Variants in PRKCH observed in about 807,000 individuals in gnomAD.
The protein encoded by PRKCH is protein kinase C eta type.
Under a neutral mutation model 82.5 loss-of-function variants are expected in PRKCH, and 28 were observed. The observed-to-expected ratio is 0.34, with a 90% confidence interval of 0.25 to 0.47. The LOEUF is 0.47. Among genes scored for constraint, PRKCH ranks in the 20% least tolerant of loss-of-function variants. The probability of loss-of-function intolerance (pLI) is 1.00; values close to 1 mark genes in which losing one functional copy is unlikely to be tolerated. For synonymous variants in PRKCH, 322 were observed against 327.4 expected (o/e 0.98, Z 0.18); for missense variants, 705 against 881.8 (o/e 0.80, Z 2.54).
intron 1 of PRKCH, among the ~76,000 whole-genome samples, chr14:61,198,612 A>G (rs989486351): frequency 7.9e-5 from 12 of 152,228 alleles, no homozygotes; most frequent in Non-Finnish European, 1.3e-4. Context: ...CTATGTCTCT[A>G]TATTCCCAGT....
intron 1 of PRKCH, among the ~76,000 whole-genome samples, chr14:61,349,895 A>G (rs1183681846): frequency 6.6e-6 from 1 of 152,106 alleles, no homozygotes; most frequent in Admixed American, 6.6e-5. Context: ...TGGTATGTCC[A>G]AGTCTGTGTT....
chr14:61,324,610 T>G (rs2045671352), intron 1 of PRKCH, among the ~76,000 whole-genome samples: 1 of 152,102 alleles, frequency 6.6e-6, no homozygotes, highest in South Asian at 2.1e-4. Context: ...AAAGTATCCT[T>G]TATAGGTTCA....
chr14:61,322,335 C>A lies in PRKCH; in HGVS notation c.234C>A (p.Asp78Glu). 6.2e-7 allele frequency: 1 copy of A among 1,613,398 alleles called. No homozygotes were observed. The highest frequency in any genetic ancestry group is 8.5e-7 in the Non-Finnish European group (1 of 1,179,930). The change falls in exon 1 of 14, where the codon GAC (aspartate) becomes GAA (glutamate). Residue 78 changes from aspartate to glutamate, a missense_variant. Around this residue, in one of 5 missense-constraint regions of PRKCH, gnomAD observed 246 missense variants for 308.0 expected, o/e 0.80. Transcript: ENST00000332981. ...AGGAGTTTTGCGCTAACGTCACCGA[C>A]GGCGGCCACCTCGAGTTGGCCGTCT... ...YNEEFCANVTDGGHLELAVFH... is the reference protein window; with the variant it reads ...YNEEFCANVTEGGHLELAVFH...
intron 2 of PRKCH, among the ~76,000 whole-genome samples, chr14:61,417,222 G>A (rs1048583004): frequency 4.6e-4 from 70 of 152,146 alleles, no homozygotes; most frequent in African/African-American, 1.6e-3. Flanking sequence ...AAGGATAGAC[G>A]TCTTTGAAAG....
At chr14:61,433,081 G>A (rs1173136283) in intron 2 of PRKCH, among the ~76,000 whole-genome samples, 2 of 138,654 alleles carry the variant, frequency 1.4e-5, no homozygotes, top group African/African-American at 5.8e-5. Flanking sequence ...AATGGTGGCC[G>A]AGGTTCAAAG....
Position 61,400,044 on chromosome 14 carries a change from G to C in PRKCH, c.427+8756G>C, listed in dbSNP as rs557812504. Reference sequence around the variant, plus strand: ...GCATCTGCTTTTTCTCTCTACTAAGGCAGTGCACAATGGTGCAGAATAAGA... The same window carrying C: ...GCATCTGCTTTTTCTCTCTACTAAGCCAGTGCACAATGGTGCAGAATAAGA... On this transcript the variant is annotated intron_variant, in intron 2 of 13. Coordinates refer to ENST00000332981, the MANE Select transcript of PRKCH (RefSeq NM_006255.5). Among the ~76,000 whole-genome samples the C allele has an allele frequency of 1.4e-4, 21 of 152,278 alleles. No homozygotes were observed. The South Asian group carries it at 3.1e-3, about 23-fold the overall frequency.
intron 12 of PRKCH, among the ~76,000 whole-genome samples, chr14:61,532,724 G>A (rs2043055973): frequency 6.6e-6 from 1 of 152,124 alleles, no homozygotes; most frequent in African/African-American, 2.4e-5. Context: ...TTTTGGTAAC[G>A]AGCAGATACA....
At chr14:61,269,129 AT>A (rs1316220577) in intron 1 of PRKCH, among the ~76,000 whole-genome samples, 1 of 152,160 alleles carries the variant, frequency 6.6e-6, no homozygotes, top group Non-Finnish European at 1.5e-5. Context: ...AGAGCCAAAA[AT>A]TTTTTCTTTA....
chr14:61,357,735 G>A (rs983860250), intron 1 of PRKCH, among the ~76,000 whole-genome samples: 5 of 152,204 alleles, frequency 3.3e-5, no homozygotes, highest in East Asian at 3.9e-4. Context: ...TTCTGCAACC[G>A]TCCATGCTTC....
At chr14:61,250,854 T>C (rs576045996) in intron 1 of PRKCH, among the ~76,000 whole-genome samples, 1 of 152,214 alleles carries the variant, frequency 6.6e-6, no homozygotes, top group African/African-American at 2.4e-5. Flanking sequence ...CTCTCTATAT[T>C]TTCTGCTCAA....
At chr14:61,325,074 A>G (rs1018672444) in intron 1 of PRKCH, among the ~76,000 whole-genome samples, 3 of 152,222 alleles carry the variant, frequency 2.0e-5, no homozygotes, top group South Asian at 2.1e-4. Context: ...GTTCAGTATA[A>G]TCTCAGTCAA....
intron 2 of PRKCH, among the ~76,000 whole-genome samples, chr14:61,414,916 T>A (rs1720306964): frequency 1.3e-5 from 2 of 152,196 alleles, no homozygotes; most frequent in South Asian, 4.1e-4. Flanking sequence ...CCCTTTGTCC[T>A]TCCTCTGTTT....
rs117233708 is a variant in PRKCH, at chr14:61,359,321, G to T, written c.364-31904G>T. Among the ~76,000 whole-genome samples the T allele has an allele frequency of 3.5e-3, 526 of 152,320 alleles. 5 individuals are homozygous for T. Among genetic ancestry groups the T allele is most frequent in the Middle Eastern group, 0.027 (8 of 294 alleles). On this transcript the variant is annotated intron_variant, in intron 1 of 13. Transcript: ENST00000332981. ...TAATATCCTTCCCACTGAGTTCCTA[G>T]TTCTACATGCTGGAGTGAGGCTGTC... is the stretch of plus-strand genomic sequence containing the variant.
intron 1 of PRKCH, among the ~76,000 whole-genome samples, chr14:61,389,152 G>A (rs2046634198): frequency 1.3e-5 from 2 of 152,212 alleles, no homozygotes; most frequent in African/African-American, 4.8e-5. Flanking sequence ...AAGGCGGGCG[G>A]ATTGCCTGGT....
intron 1 of PRKCH, among the ~76,000 whole-genome samples, chr14:61,198,482 G>A (rs1461992658): frequency 6.6e-6 from 1 of 152,066 alleles, no homozygotes; most frequent in African/African-American, 2.4e-5. Flanking sequence ...TGTCCCCTAA[G>A]TGGAATTATT....
At chr14:61,243,322 C>T (rs1265655234) in intron 1 of PRKCH, among the ~76,000 whole-genome samples, 3 of 142,350 alleles carry the variant, frequency 2.1e-5, no homozygotes, top group South Asian at 2.2e-4. Flanking sequence ...TGCTTGAACT[C>T]GGGAGGTGGA....
At chr14:61,218,252 G>A (rs185877486) in intron 1 of PRKCH, among the ~76,000 whole-genome samples, 3 of 152,148 alleles carry the variant, frequency 2.0e-5, no homozygotes, top group East Asian at 1.9e-4. Context: ...CCATGCTGTC[G>A]GCCTTTCTTC....
chr14:61,343,554 A>T (rs1238317411), intron 1 of PRKCH, among the ~76,000 whole-genome samples: 1 of 152,174 alleles, frequency 6.6e-6, no homozygotes, highest in East Asian at 1.9e-4. Flanking sequence ...GGGCACGATG[A>T]TAGATTTTTT....
chr14:61,328,143 G>A (rs149480081), intron 1 of PRKCH, among the ~76,000 whole-genome samples: 17,954 of 151,186 alleles, frequency 0.12, 1,138 homozygotes, highest in Admixed American at 0.17. Flanking sequence ...CCAGCTACTC[G>A]GGAGGCTGAG....
Sources: gnomAD v4.1 joint callset for allele counts (sites outside exome capture counted in the v4.1 genomes callset) on GRCh38, gnomAD v4.1.1 for gene constraint, gnomAD v4.1.1 regional missense constraint, MANE v1.5 for transcripts, NCBI Gene and HGNC (gene_info 2026-07-23, HGNC 2026-07-21) for gene names.